SRPK2: variants seen among roughly 807,000 people sequenced by gnomAD.
The protein encoded by SRPK2 is SFRS protein kinase 2.
In SRPK2, 21 loss-of-function variants were observed where a neutral mutation model predicts 90.8. The ratio of observed to expected loss-of-function variants is 0.23; its 90% CI spans 0.16 to 0.33. The LOEUF (loss-of-function observed/expected upper bound fraction) is 0.33. Ranked by LOEUF, SRPK2 falls within the 10% of genes least tolerant of loss-of-function variation. SRPK2 has a pLI of 1.00. For missense variants in SRPK2, 620 were observed against 869.0 expected (o/e 0.71, Z 3.60); for synonymous variants, 288 against 311.1 (o/e 0.93, Z 0.78).
At chr7:105,383,272 G>A (rs1380963725) in intron 2 of SRPK2, among the ~76,000 whole-genome samples, 3 of 148,970 alleles carry the variant, frequency 2.0e-5, no homozygotes, top group East Asian at 2.0e-4. Context: ...GGGTTTCACC[G>A]TAGCCAGGAT....
intron 3 of SRPK2, among the ~76,000 whole-genome samples, chr7:105,177,586 T>C (rs961712404): frequency 6.6e-6 from 1 of 152,162 alleles, no homozygotes; most frequent in Admixed American, 6.5e-5. Flanking sequence ...GGTTTACCAA[T>C]TCTAACAAAT....
intron 2 of SRPK2, among the ~76,000 whole-genome samples, chr7:105,253,438 G>GTAAA (rs1802766716): frequency 6.6e-6 from 1 of 152,128 alleles, no homozygotes; most frequent in Admixed American, 6.5e-5. Context: ...ATGGCTCTTG[G>GTAAA]TAAACATCAG....
rs115394521 is a variant in SRPK2 at position 105,138,109 on chromosome 7, T to C, written c.1543+3899A>G. Among the ~76,000 whole-genome samples, 379 of 152,332 alleles carry C rather than the reference T, an allele frequency of 2.5e-3. 1 individual carries two copies. Among genetic ancestry groups the C allele is most frequent in the African/African-American group, 8.8e-3 (365 of 41,574 alleles). ...ACAGGTATTGGGGATGGTATGTGTGTTGGACACAGTAAAATTGTGACTATA... is the reference window on the plus strand; with the variant it reads ...ACAGGTATTGGGGATGGTATGTGTGCTGGACACAGTAAAATTGTGACTATA... On this transcript the variant is annotated intron_variant, in intron 11 of 15. Transcript: ENST00000393651.
At chr7:105,373,212 A>C (rs1819894699) in intron 2 of SRPK2, among the ~76,000 whole-genome samples, 1 of 152,066 alleles carries the variant, frequency 6.6e-6, no homozygotes, top group African/African-American at 2.4e-5. Flanking sequence ...AATAATGATA[A>C]ATTATTTATA....
At position 105,142,405 on chromosome 7, in the gene SRPK2, C is replaced by T. The variant is rs1346265921; in HGVS notation, c.1146G>A (p.Ala382=). ...ATTCTATCCACGTAGGGTCTATGTT[C>T]GCAAGTTCCTGATCTACATCATCTT... ...KDEDDVDQEL[A]NIDPTWIESP... is the part of the protein sequence containing the mutation. The change falls in exon 11 of 16, where the codon GCG becomes GCA. Residue 382 remains alanine, a synonymous_variant. Coordinates refer to ENST00000393651, the MANE Select transcript of SRPK2 (RefSeq NM_182692.3). 7.4e-6 allele frequency: 12 copies of T among 1,613,970 alleles called. No homozygotes were observed. Among genetic ancestry groups the T allele is most frequent in the Middle Eastern group, 1.6e-4 (1 of 6,084 alleles).
intron 2 of SRPK2, among the ~76,000 whole-genome samples, chr7:105,261,292 C>T (rs1052508300): frequency 6.6e-5 from 10 of 152,054 alleles, no homozygotes; most frequent in Admixed American, 4.6e-4. Context: ...GAGGCCGAGG[C>T]GGGTGGATCA....
intron 3 of SRPK2, among the ~76,000 whole-genome samples, chr7:105,186,731 G>A (rs1009360989): frequency 3.9e-5 from 6 of 152,196 alleles, no homozygotes; most frequent in Non-Finnish European, 7.3e-5. Context: ...TATAGTGGAT[G>A]AGACTGTGTG....
At chr7:105,279,209 G>A (rs767992234) in intron 2 of SRPK2, among the ~76,000 whole-genome samples, 17 of 152,050 alleles carry the variant, frequency 1.1e-4, no homozygotes, top group Admixed American at 3.3e-4. Flanking sequence ...GGCGGGCGGC[G>A]GGGGGAGGAG....
chr7:105,332,764 C>CAA (rs369698651), intron 2 of SRPK2: 6 of 124,056 alleles, frequency 4.8e-5, no homozygotes, highest in African/African-American at 9.0e-5. Flanking sequence ...GACTCTATCT[C>CAA]AAAAAAAAAA....
intron 11 of SRPK2, among the ~76,000 whole-genome samples, chr7:105,141,236 G>A (rs939293255): frequency 5.9e-5 from 9 of 152,230 alleles, no homozygotes; most frequent in African/African-American, 2.4e-5. Flanking sequence ...AGGGGCTGCA[G>A]AATGTCGGGC....
At position 105,288,555 on chromosome 7, in the gene SRPK2, T is replaced by C. The variant is rs112891834; in HGVS notation, c.72-84770A>G. On this transcript the variant is annotated intron_variant, in intron 2 of 15. Transcript: ENST00000393651. ...GTTGCAGTGAGCCAAGAATGCGCCA[T>C]TGCACTCCAGCCCGAGCGACAGTGC... Among the ~76,000 whole-genome samples, 464 of 152,040 alleles carry C rather than the reference T, an allele frequency of 3.1e-3. 3 individuals are homozygous for C. Among genetic ancestry groups the C allele is most frequent in the African/African-American group, 0.01 (433 of 41,428 alleles).
intron 2 of SRPK2, among the ~76,000 whole-genome samples, chr7:105,385,233 T>A (rs1417422798): frequency 7.6e-6 from 1 of 131,650 alleles, no homozygotes; most frequent in Non-Finnish European, 1.5e-5. Context: ...CAAGCTGGAG[T>A]GCAGTGGCAC....
intron 2 of SRPK2, among the ~76,000 whole-genome samples, chr7:105,235,876 G>A (rs900986212): frequency 1.3e-5 from 2 of 152,178 alleles, no homozygotes; most frequent in Admixed American, 1.3e-4. Context: ...GAGAGATGTT[G>A]CACAGCACTA....
intron 6 of SRPK2, among the ~76,000 whole-genome samples, chr7:105,164,980 G>A (rs1041794971): frequency 2.0e-5 from 3 of 152,232 alleles, no homozygotes; most frequent in Non-Finnish European, 4.4e-5. Context: ...TTGAACCTTG[G>A]AAAATGAAAG....
intron 2 of SRPK2, among the ~76,000 whole-genome samples, chr7:105,274,389 C>T (rs8180737): frequency 0.18 from 27,484 of 151,810 alleles, 3,112 homozygotes; most frequent in East Asian, 0.58. Context: ...TGGTGAAACA[C>T]CAACTCTACT....
chr7:105,248,077 T>G (rs1158431167), intron 2 of SRPK2, among the ~76,000 whole-genome samples: 2 of 152,170 alleles, frequency 1.3e-5, no homozygotes, highest in Non-Finnish European at 2.9e-5. Flanking sequence ...GGTCTCGAAC[T>G]ACCAACCTCA....
At chr7:105,140,307 A>AGCAAAAT (rs1803515563) in intron 11 of SRPK2, among the ~76,000 whole-genome samples, 1 of 152,192 alleles carries the variant, frequency 6.6e-6, no homozygotes, top group Non-Finnish European at 1.5e-5. Context: ...TATGAATAAA[A>AGCAAAAT]AAGGTACTTT....
chr7:105,354,548 G>A (rs553595749), intron 2 of SRPK2, among the ~76,000 whole-genome samples: 33 of 152,088 alleles, frequency 2.2e-4, no homozygotes, highest in Non-Finnish European at 3.8e-4. Flanking sequence ...CAATTTACTG[G>A]GAATCCACTC....
chr7:105,247,332 T>A (rs1220926474), intron 2 of SRPK2, among the ~76,000 whole-genome samples: 1 of 152,170 alleles, frequency 6.6e-6, no homozygotes, highest in Admixed American at 6.5e-5. Context: ...AAAATACAGA[T>A]GATTAATAAT....
Sources: gnomAD v4.1 joint callset for allele counts (sites outside exome capture counted in the v4.1 genomes callset) on GRCh38, gnomAD v4.1.1 for gene constraint, MANE v1.5 for transcripts, NCBI Gene and HGNC (gene_info 2026-07-23, HGNC 2026-07-21) for gene names.